Variants in GABRR1 observed in about 807,000 individuals in gnomAD.
The protein encoded by GABRR1 is gamma-aminobutyric acid receptor subunit rho-1.
In GABRR1, 59 loss-of-function variants were observed where a neutral mutation model predicts 55.5. The ratio of observed to expected loss-of-function variants is 1.06; its 90% CI spans 0.86 to 1.32. The LOEUF is 1.32. Among genes scored for constraint, GABRR1 ranks in the 40% most tolerant of loss-of-function variants. The pLI, the probability that GABRR1 is intolerant of heterozygous loss-of-function variation, is 0.00. For missense variants in GABRR1, 602 were observed against 619.1 expected (o/e 0.97, Z 0.29); for synonymous variants, 213 against 226.0 (o/e 0.94, Z 0.51).
chr6:89,210,199 T>C (rs2127805314), intron 1 of GABRR1, among the ~76,000 whole-genome samples: 1 of 145,370 alleles, frequency 6.9e-6, no homozygotes, highest in East Asian at 2.0e-4. Flanking sequence ...TTTTTTTTTT[T>C]TTTTTTTTTT....
chr6:89,187,406 C>A (rs73754867), intron 6 of GABRR1, among the ~76,000 whole-genome samples: 7,977 of 152,126 alleles, frequency 0.052, 684 homozygotes, highest in African/African-American at 0.18. Flanking sequence ...TAGGATACAT[C>A]ATTTGCCATT....
chr6:89,217,621 T>G (rs760374616), upstream of GABRR1: 5 of 260,622 alleles, frequency 1.9e-5, no homozygotes, highest in Non-Finnish European at 2.9e-5. Flanking sequence ...GTAAAAATGT[T>G]GGTAAAAGTC....
At chr6:89,214,091 C>G (rs1279391516) in intron 1 of GABRR1, among the ~76,000 whole-genome samples, 1 of 151,878 alleles carries the variant, frequency 6.6e-6, no homozygotes, top group African/African-American at 2.4e-5. Flanking sequence ...TCTTTTCTTT[C>G]TTTCTCTTGT....
At chr6:89,230,484 C>G (rs1238583931) in intron 1 of GABRR1, among the ~76,000 whole-genome samples, 1 of 151,688 alleles carries the variant, frequency 6.6e-6, no homozygotes, top group East Asian at 1.9e-4. Flanking sequence ...TTCTAACAGA[C>G]AGGACCCTCA....
intron 1 of GABRR1, among the ~76,000 whole-genome samples, chr6:89,216,735 C>T (rs965258292): frequency 3.3e-5 from 5 of 152,224 alleles, no homozygotes; most frequent in South Asian, 2.1e-4. Flanking sequence ...TCTAGTCACA[C>T]AGCTTGGAGA....
intron 8 of GABRR1, among the ~76,000 whole-genome samples, chr6:89,181,417 C>T (rs1048819179): frequency 2.6e-5 from 4 of 152,172 alleles, no homozygotes; most frequent in African/African-American, 9.7e-5. Flanking sequence ...GATTCTCAGA[C>T]TTGAGTACAC....
chr6:89,191,820 G>A (rs866144382), intron 5 of GABRR1, among the ~76,000 whole-genome samples: 4 of 152,100 alleles, frequency 2.6e-5, no homozygotes, highest in Admixed American at 6.6e-5. Flanking sequence ...TTGGTCTGAG[G>A]TATTCATCAG....
chr6:89,201,408 C>G, intron 2 of GABRR1, 143 bp from the exon 3 acceptor site: 1 of 612,020 alleles, frequency 1.6e-6, no homozygotes, highest in Admixed American at 2.7e-5. Context: ...CTCTTTCTTT[C>G]TCCATCTTTC....
intron 1 of GABRR1, among the ~76,000 whole-genome samples, chr6:89,225,346 G>A (rs1275100369): frequency 7.1e-6 from 1 of 140,158 alleles, no homozygotes; most frequent in East Asian, 2.1e-4. Context: ...CATGTGCCAT[G>A]CTGGTGCGCT....
chr6:89,224,655 T>C (rs1318730065), intron 1 of GABRR1, among the ~76,000 whole-genome samples: 1 of 152,278 alleles, frequency 6.6e-6, no homozygotes, highest in African/African-American at 2.4e-5. Flanking sequence ...CCTTTTGCTG[T>C]GCAGAAGCTC....
intron 6 of GABRR1, among the ~76,000 whole-genome samples, chr6:89,188,918 T>C (rs558529223): frequency 6.6e-6 from 1 of 152,232 alleles, no homozygotes; most frequent in Non-Finnish European, 1.5e-5. Flanking sequence ...GAACTCACAG[T>C]GGCAGTTCCC....
At chr6:89,227,480 T>A (rs1446674419) in intron 1 of GABRR1, among the ~76,000 whole-genome samples, 1 of 31,560 alleles carries the variant, frequency 3.2e-5, no homozygotes, top group Non-Finnish European at 5.4e-5. Context: ...TGAAGGGTTG[T>A]TGAATTTTGT....
At chr6:89,200,532 G>A (rs2127799852) in intron 3 of GABRR1, among the ~76,000 whole-genome samples, 1 of 151,832 alleles carries the variant, frequency 6.6e-6, no homozygotes, top group East Asian at 1.9e-4. Context: ...AAAATGTTAG[G>A]ATTTCAGGTA....
chr6:89,202,593 A>C (rs1298430910), intron 2 of GABRR1, among the ~76,000 whole-genome samples: 11 of 151,100 alleles, frequency 7.3e-5, no homozygotes, highest in Non-Finnish European at 1.2e-4. Flanking sequence ...ACACCTGGCC[A>C]GGTGTTGCTC....
At chr6:89,224,999 T>C (rs1244702854) in intron 1 of GABRR1, among the ~76,000 whole-genome samples, 1 of 152,210 alleles carries the variant, frequency 6.6e-6, no homozygotes, top group Admixed American at 6.5e-5. Flanking sequence ...GCCAGGCTAG[T>C]CTTGAACTCC....
intron 5 of GABRR1, among the ~76,000 whole-genome samples, chr6:89,195,552 T>G (rs1407513183): frequency 6.6e-6 from 1 of 152,040 alleles, no homozygotes; most frequent in African/African-American, 2.4e-5. Flanking sequence ...ATTTTCAAAG[T>G]GCTCAAAGAA....
chr6:89,186,535 C>T (rs1771907466), intron 6 of GABRR1, among the ~76,000 whole-genome samples: 1 of 152,238 alleles, frequency 6.6e-6, no homozygotes, highest in Non-Finnish European at 1.5e-5. Context: ...CTGCTAGCCA[C>T]TTCCTTGCAA....
At chr6:89,221,893 C>G (rs1003220750), upstream of GABRR1, among the ~76,000 whole-genome samples, 6 of 152,172 alleles carry the variant, frequency 3.9e-5, no homozygotes, top group Non-Finnish European at 7.3e-5. Flanking sequence ...TAAGCTGCTG[C>G]TGTAATCGAG....
chr6:89,225,396 C>T (rs1402892780), intron 1 of GABRR1, among the ~76,000 whole-genome samples: 1 of 134,672 alleles, frequency 7.4e-6, no homozygotes, highest in South Asian at 2.6e-4. Flanking sequence ...GTATATCTCC[C>T]AATGCTATCC....
Sources: allele counts gnomAD v4.1 joint callset (sites outside exome capture counted in the v4.1 genomes callset), GRCh38; gene constraint gnomAD v4.1.1; transcripts MANE v1.5; gene names NCBI Gene and HGNC (gene_info 2026-07-23, HGNC 2026-07-21).